SGCZ: variants seen among roughly 807,000 people sequenced by gnomAD.
SGCZ encodes the protein sarcoglycan zeta.
Under a neutral mutation model 41.3 loss-of-function variants are expected in SGCZ, and 40 were observed. The observed-to-expected ratio is 0.97, with a 90% CI of 0.75 to 1.26. SGCZ has a LOEUF of 1.26. Among genes scored for constraint, SGCZ ranks in the 50% most tolerant of loss-of-function variants. SGCZ has a pLI of 0.00. For missense variants in SGCZ, 552 were observed against 369.8 expected (o/e 1.49, Z -4.04); for synonymous variants, 206 against 137.5 (o/e 1.50, Z -3.49).
At chr8:15,221,258 T>C (rs532468685) in intron 1 of SGCZ, among the ~76,000 whole-genome samples, 3 of 152,278 alleles carry the variant, frequency 2.0e-5, no homozygotes, top group African/African-American at 7.2e-5. Flanking sequence ...GAAGGGTGTA[T>C]TAAAATACAC....
At chr8:15,210,983 C>T (rs1305062280) in intron 1 of SGCZ, among the ~76,000 whole-genome samples, 3 of 151,598 alleles carry the variant, frequency 2.0e-5, no homozygotes, top group Admixed American at 2.0e-4. Flanking sequence ...TCCAAATTTT[C>T]CCCTGCAACA....
At chr8:15,051,042 C>T (rs961012875) in intron 1 of SGCZ, among the ~76,000 whole-genome samples, 1 of 152,096 alleles carries the variant, frequency 6.6e-6, no homozygotes, top group African/African-American at 2.4e-5. Flanking sequence ...AAGAGGTTCT[C>T]ATCTTGGTAG....
intron 1 of SGCZ, among the ~76,000 whole-genome samples, chr8:14,875,024 G>T (rs941998872): frequency 1.2e-4 from 19 of 152,134 alleles, no homozygotes; most frequent in African/African-American, 4.6e-4. Flanking sequence ...GCATAAAAGG[G>T]TATCTTTGTC....
At chr8:14,201,644 G>C (rs957629045) in intron 4 of SGCZ, among the ~76,000 whole-genome samples, 2 of 152,114 alleles carry the variant, frequency 1.3e-5, no homozygotes, top group Non-Finnish European at 2.9e-5. Context: ...TGGATGCTAG[G>C]TTTGACTACC....
intron 4 of SGCZ, among the ~76,000 whole-genome samples, chr8:14,221,119 A>T (rs11777317): frequency 0.49 from 74,964 of 151,888 alleles, 20,165 homozygotes; most frequent in South Asian, 0.74. Flanking sequence ...AATATAAATC[A>T]CTCCTACATA....
chr8:14,374,707 G>A (rs1177644947), intron 2 of SGCZ, among the ~76,000 whole-genome samples: 1 of 152,184 alleles, frequency 6.6e-6, no homozygotes, highest in Non-Finnish European at 1.5e-5. Flanking sequence ...TAGAGGTGCA[G>A]TAGTCAGATA....
chr8:14,213,335 A>G (rs1474330247), intron 4 of SGCZ, among the ~76,000 whole-genome samples: 2 of 152,150 alleles, frequency 1.3e-5, no homozygotes, highest in East Asian at 3.9e-4. Flanking sequence ...TAGGGGAACA[A>G]CAATTTGTAT....
intron 1 of SGCZ, among the ~76,000 whole-genome samples, chr8:14,736,525 A>T (rs1335202874): frequency 1.3e-5 from 2 of 152,098 alleles, no homozygotes; most frequent in Admixed American, 1.3e-4. Context: ...GTATTTGGTT[A>T]CATGAGTAAG....
chr8:15,153,905 G>C (rs115649512), intron 1 of SGCZ, among the ~76,000 whole-genome samples: 1,729 of 152,166 alleles, frequency 0.011, 39 homozygotes, highest in African/African-American at 0.039. Flanking sequence ...TGGAAGACAA[G>C]TTTTCCAGGG....
At chr8:14,100,591 T>C (rs1054231628) in intron 7 of SGCZ, among the ~76,000 whole-genome samples, 1 of 137,966 alleles carries the variant, frequency 7.2e-6, no homozygotes, top group African/African-American at 2.8e-5. Context: ...AATAATATAT[T>C]ATATTTTATT....
At chr8:14,990,487 C>T (rs529795792) in intron 1 of SGCZ, among the ~76,000 whole-genome samples, 16 of 151,988 alleles carry the variant, frequency 1.1e-4, no homozygotes, top group Admixed American at 8.5e-4. Context: ...GCATTAGATT[C>T]GTATTGGAGC....
chr8:14,426,865 A>G (rs965169357), intron 2 of SGCZ, among the ~76,000 whole-genome samples: 1 of 152,180 alleles, frequency 6.6e-6, no homozygotes, highest in Non-Finnish European at 1.5e-5. Context: ...AAGAATGGAA[A>G]AAATGTCTAA....
In SGCZ at chr8:14,674,415, C is replaced by G. The variant is rs182957345; in HGVS notation, c.40-119489G>C. Reference sequence around the variant, plus strand: ...TTAAATTTACAAGAAAAAAGATAAACTAATTGTACAGAAGTAGCTAAATGG... The same window carrying G: ...TTAAATTTACAAGAAAAAAGATAAAGTAATTGTACAGAAGTAGCTAAATGG... On this transcript the variant is annotated intron_variant, in intron 1 of 7. Coordinates refer to ENST00000382080, the MANE Select transcript of SGCZ (RefSeq NM_139167.4). Among the ~76,000 whole-genome samples the G allele has an allele frequency of 1.1e-4, 16 of 152,128 alleles. No individual in the cohort carries two copies. The East Asian group carries it at 2.1e-3, about 20-fold the overall frequency.
At chr8:14,590,905 A>G (rs941842401) in intron 1 of SGCZ, among the ~76,000 whole-genome samples, 1 of 149,416 alleles carries the variant, frequency 6.7e-6, no homozygotes, top group East Asian at 1.9e-4. Context: ...ATTATAAAGT[A>G]CATACACTAT....
At chr8:14,255,823 T>TA (rs1799443981) in intron 3 of SGCZ, among the ~76,000 whole-genome samples, 1 of 152,128 alleles carries the variant, frequency 6.6e-6, no homozygotes, top group Non-Finnish European at 1.5e-5. Flanking sequence ...GTTACTTAAT[T>TA]ATTGAACAGA....
At chr8:15,209,685 C>T (rs533191036) in intron 1 of SGCZ, among the ~76,000 whole-genome samples, 1 of 152,116 alleles carries the variant, frequency 6.6e-6, no homozygotes, top group Non-Finnish European at 1.5e-5. Flanking sequence ...TATCAACAGA[C>T]AAAACATAAG....
rs993287677 is a variant in SGCZ, at chr8:14,343,487, G to A, written c.235-19283C>T. Among the ~76,000 whole-genome samples, 7 of 152,204 alleles carry A rather than the reference G, an allele frequency of 4.6e-5. No individual in the cohort carries two copies. The East Asian group carries it at 1.2e-3, about 25-fold the overall frequency. On this transcript the variant is annotated intron_variant, in intron 2 of 7. Transcript: ENST00000382080. ...AAGAGAGTTATAACTTGGACTCTACGTATGTTTTCCCTCAAGTCATTTGCT... is the reference window on the plus strand; with the variant it reads ...AAGAGAGTTATAACTTGGACTCTACATATGTTTTCCCTCAAGTCATTTGCT...
Position 14,401,702 on chromosome 8 carries a change from G to C in SGCZ, c.235-77498C>G, listed in dbSNP as rs555965652. ...CAGTCTATCATTGTTGGACATTTGGGTTGGTTCCAAGTCTTTGCTAATGTG... is the reference window on the plus strand; with the variant it reads ...CAGTCTATCATTGTTGGACATTTGGCTTGGTTCCAAGTCTTTGCTAATGTG... On this transcript the variant is annotated intron_variant, in intron 2 of 7. Coordinates refer to ENST00000382080, the MANE Select transcript of SGCZ (RefSeq NM_139167.4). Among the ~76,000 whole-genome samples the C allele has an allele frequency of 4.0e-5, 6 of 151,702 alleles. 1 individual carries two copies. The highest frequency in any genetic ancestry group is 9.7e-5 in the African/African-American group (4 of 41,172).
rs1467108815 is a variant in SGCZ at position 15,168,274 on chromosome 8, G to A, written c.39+69311C>T. ...GACAACAGAGCTTAAAAGGCACAGC[G>A]CAGGTGAGCGTGGCTGATTCCTGAC... On this transcript the variant is annotated intron_variant, in intron 1 of 7. Transcript: ENST00000382080. Among the ~76,000 whole-genome samples the A allele has an allele frequency of 2.6e-5, 4 of 152,276 alleles. 1 individual carries two copies. The highest frequency in any genetic ancestry group is 2.1e-4 in the South Asian group (1 of 4,824).
Sources: allele counts gnomAD v4.1 joint callset (sites outside exome capture counted in the v4.1 genomes callset), GRCh38; gene constraint gnomAD v4.1.1; transcripts MANE v1.5; gene names NCBI Gene and HGNC (gene_info 2026-07-23, HGNC 2026-07-21).